The following RANBP3 variants were observed in gnomAD, a reference collection of about 807,000 sequenced individuals.
RANBP3 encodes RAN binding protein 3.
Under a neutral mutation model 77.3 loss-of-function variants are expected in RANBP3, and 14 were observed. That is an observed-to-expected ratio of 0.18 (90% CI 0.12 to 0.28). The LOEUF is 0.28. RANBP3 is among the 10% of genes least tolerant of loss of function. The pLI is 1.00. For synonymous variants in RANBP3, 315 were observed against 312.4 expected, an observed-to-expected ratio of 1.01 and a Z score of -0.09; for missense variants, 586 against 752.3, an observed-to-expected ratio of 0.78 and a Z score of 2.59.
At chr19:5,928,624 G>C (rs2057946160) in intron 8 of RANBP3, among the ~76,000 whole-genome samples, 1 of 152,004 alleles carries the variant, frequency 6.6e-6, no homozygotes, top group Non-Finnish European at 1.5e-5. Flanking sequence ...TATGTGTGTT[G>C]AGGAATGCCC....
At chr19:5,934,224 G>A (rs1344824870) in intron 5 of RANBP3, 1 of 152,280 alleles carries the variant, frequency 6.6e-6, no homozygotes, top group Non-Finnish European at 1.5e-5. Context: ...GCCCATACAG[G>A]GAGTGGGGAT....
Position 5,921,418 on chromosome 19 carries a change from G to T in RANBP3, c.1210-97C>A, listed in dbSNP as rs1223419636. 26 of 1,520,122 alleles carry T rather than the reference G, an allele frequency of 1.7e-5. No homozygotes were observed. The highest frequency in any genetic ancestry group is 2.1e-5 in the Non-Finnish European group (24 of 1,127,554). 94.2% of individuals were successfully genotyped at this position (1,520,122 alleles called of 1,614,324 possible). On this transcript the variant is annotated intron_variant, in intron 13 of 16. Transcript: ENST00000340578. This position sits in a 1 kb window ranked among gnomAD's most constrained non-coding sequence, Gnocchi z 5.3. ...CCCTTTAGCCTGTGGGGACTGCCAGGGCCAGCCAACGACGGCCTGGGGGCC... is the reference window on the plus strand; with the variant it reads ...CCCTTTAGCCTGTGGGGACTGCCAGTGCCAGCCAACGACGGCCTGGGGGCC...
chr19:5,966,723 T>C (rs574955031), intron 1 of RANBP3, among the ~76,000 whole-genome samples: 2 of 152,306 alleles, frequency 1.3e-5, no homozygotes, highest in Non-Finnish European at 2.9e-5. Context: ...TAAGAGAGAA[T>C]CTGGAATATC....
intron 9 of RANBP3, 152 bp from the exon 10 acceptor site, chr19:5,925,889 T>A: frequency 5.1e-6 from 3 of 583,906 alleles, no homozygotes; most frequent in Non-Finnish European, 6.3e-6. Flanking sequence ...GTGCATGTGC[T>A]GGGGGGCAGG....
chr19:5,917,879 C>T lies in RANBP3; in HGVS notation c.1575G>A (p.Ala525=), dbSNP rs576672208. The change falls in exon 16 of 17, where the codon GCG becomes GCA. Residue 525 remains alanine (A), a synonymous_variant. Coordinates refer to ENST00000340578, the MANE Select transcript of RANBP3 (RefSeq NM_007322.3). ...TGGATGGGGCTGCCCCAGGCTCAGG[C>T]GCGGGCATCTTGGCCTCCTGCTCCT... ...VEQEQEAKMP[A]PEPGAAPSNE... 2.6e-4 allele frequency: 413 copies of T among 1,612,768 alleles called. 3 individuals carry two copies. In the East Asian group the frequency reaches 6.2e-3, roughly 24 times the overall value.
intron 12 of RANBP3, 97 bp downstream of exon 12, chr19:5,923,715 G>T: frequency 1.1e-6 from 1 of 940,606 alleles, no homozygotes; most frequent in African/African-American, 1.6e-5. Context: ...TGCGGGAGTC[G>T]GGCCCCTTAT....
At position 5,941,854 on chromosome 19, in the gene RANBP3, A is replaced by G. The variant is rs373143911; in HGVS notation, c.283-19T>C. On this transcript the variant is annotated intron_variant, in intron 3 of 16. Coordinates refer to ENST00000340578, the MANE Select transcript of RANBP3 (RefSeq NM_007322.3). ...CTGACCTCTGAAACAAGGAGCACAC[A>G]GCCGGGGTCAGAGGGCATCAGGCTC... 1 of 1,612,082 alleles carries G rather than the reference A, an allele frequency of 6.2e-7. No individual in the cohort carries two copies. The highest frequency in any genetic ancestry group is 8.5e-7 in the Non-Finnish European group (1 of 1,180,006).
chr19:5,975,833 G>A (rs2058584136), intron 1 of RANBP3, among the ~76,000 whole-genome samples: 2 of 151,636 alleles, frequency 1.3e-5, no homozygotes, highest in African/African-American at 4.9e-5. Context: ...TTCAGTTAGA[G>A]GAATCAGCAG....
In RANBP3 at chr19:5,926,339, A is replaced by C. The variant is rs555824094; in HGVS notation, c.814-602T>G. Reference sequence around the variant, plus strand: ...AGGCGGCGGGGAATCACTTGAGGTCAGGAATTCGAGACCAGCCTGGCCAAC... The same window carrying C: ...AGGCGGCGGGGAATCACTTGAGGTCCGGAATTCGAGACCAGCCTGGCCAAC... On this transcript the variant is annotated intron_variant, in intron 9 of 16. Coordinates refer to ENST00000340578, the MANE Select transcript of RANBP3 (RefSeq NM_007322.3). 2.0e-5 allele frequency among the ~76,000 whole-genome samples: 3 copies of C among 152,226 alleles called. No homozygotes were observed. The East Asian group carries it at 5.8e-4, about 29-fold the overall frequency.
At chr19:5,961,461 A>C (rs1261774553) in intron 1 of RANBP3, among the ~76,000 whole-genome samples, 1 of 145,588 alleles carries the variant, frequency 6.9e-6, no homozygotes, top group African/African-American at 2.6e-5. Context: ...GGCCGGGCAC[A>C]GTGGCTCATG....
At chr19:5,935,681 C>T (rs767066684) in intron 5 of RANBP3, 14 of 456,140 alleles carry the variant, frequency 3.1e-5, no homozygotes, top group South Asian at 1.2e-4. Flanking sequence ...TCCCTGCCAC[C>T]GACCTGCCAC....
intron 1 of RANBP3, among the ~76,000 whole-genome samples, chr19:5,970,755 T>A (rs943180347): frequency 6.6e-6 from 1 of 152,186 alleles, no homozygotes; most frequent in African/African-American, 2.4e-5. Context: ...TATCTCCACA[T>A]TCCAGTAGGT....
chr19:5,924,056 G>A lies in RANBP3; in HGVS notation c.997-142C>T, dbSNP rs146358812. ...CTCCCGGTGACACCCTGAACTGCCT[G>A]GGAGCTCCCCACGTGGTCCCTCAGG... On this transcript the variant is annotated intron_variant, in intron 11 of 16. Transcript: ENST00000340578. The surrounding 1 kb of genome is among the most constrained non-coding windows in gnomAD (Gnocchi z 4.7). 43 of 653,684 alleles carry A rather than the reference G, an allele frequency of 6.6e-5. No individual in the cohort carries two copies. In the East Asian group the frequency reaches 1.1e-3, roughly 17 times the overall value. The allele number at this position is 653,684 out of a possible 1,614,324, so 40.5% of individuals were successfully genotyped here. A position where few individuals can be genotyped will look rare whatever the true frequency, so the allele number is the denominator to read the frequency against.
In RANBP3 at chr19:5,951,436, G is replaced by T; in HGVS notation, c.239C>A (p.Ala80Asp). 1 of 1,590,584 alleles carries T rather than the reference G, an allele frequency of 6.3e-7. No homozygotes were observed. The highest frequency in any genetic ancestry group is 8.6e-7 in the Non-Finnish European group (1 of 1,167,534). Residue 80 changes from alanine (A) to aspartate (D), a missense_variant, in exon 3 of 17, where the codon GCT (alanine) becomes GAT (aspartate). Coordinates refer to ENST00000340578, the MANE Select transcript of RANBP3 (RefSeq NM_007322.3). The stretch of plus-strand genomic sequence containing the variant: ...AAAAGGAGGAAGCTGGGCTTCAGGA[G>T]CGGGAGGCGGAGGAGTGCTGGCTGA... ...GASASTPPPP[A>D]PEAQLPPFPR...
chr19:5,925,872 T>C, intron 9 of RANBP3, 135 bp from the exon 10 acceptor site: 1 of 663,824 alleles, frequency 1.5e-6, no homozygotes, highest in Non-Finnish European at 2.7e-6. Context: ...CGCCTGTGTG[T>C]GTGCGCGTGC....
chr19:5,941,570 G>A (rs369936362), intron 5 of RANBP3, 51 bp downstream of exon 5: 327 of 1,478,894 alleles, frequency 2.2e-4, no homozygotes, highest in Non-Finnish European at 3.0e-4. Flanking sequence ...GGGGAATGGC[G>A]GGTTTGTAAG....
chr19:5,965,558 AG>A (rs1321568097), intron 1 of RANBP3, among the ~76,000 whole-genome samples: 2 of 152,140 alleles, frequency 1.3e-5, no homozygotes, highest in African/African-American at 4.8e-5. Flanking sequence ...CCCTTGGGAC[AG>A]GGTGGGTGGT....
At chr19:5,936,490 G>A (rs867978329) in intron 5 of RANBP3, among the ~76,000 whole-genome samples, 8 of 152,210 alleles carry the variant, frequency 5.3e-5, no homozygotes, top group African/African-American at 1.9e-4. Flanking sequence ...CTCTGTCCGC[G>A]GAGGGCCGGG....
In RANBP3 at chr19:5,942,844, ACT is replaced by A. The variant is rs540412370; in HGVS notation, c.283-1011_283-1010del. On this transcript the variant is annotated intron_variant, in intron 3 of 16. Transcript: ENST00000340578. ...AGACCAGCCTGGGAAACATGGTGAG[ACT>A]CTGTCTTTATAAAAAACCCAACCAC... 5.9e-4 allele frequency among the ~76,000 whole-genome samples: 90 copies of A among 152,092 alleles called. 1 individual carries two copies. In the East Asian group the frequency reaches 0.014, roughly 24 times the overall value.
Sources: gnomAD v4.1 joint callset for allele counts (sites outside exome capture counted in the v4.1 genomes callset) on GRCh38, gnomAD v4.1.1 for gene constraint, Gnocchi (gnomAD v3.1) non-coding constraint, MANE v1.5 for transcripts, NCBI Gene and HGNC (gene_info 2026-07-23, HGNC 2026-07-21) for gene names.